Variants in BNC2 observed in about 807,000 individuals in gnomAD.
BNC2 encodes zinc finger protein basonuclin-2.
BNC2 carries 20 observed loss-of-function variants against 76.3 expected under a neutral mutation model. The ratio of observed to expected loss-of-function variants is 0.26; its 90% CI spans 0.18 to 0.38. BNC2 has a LOEUF of 0.38. Among genes scored for constraint, BNC2 ranks in the 10% least tolerant of loss-of-function variants. BNC2 has a pLI of 1.00. For synonymous variants in BNC2, 582 were observed against 514.8 expected, an observed-to-expected ratio of 1.13 and a Z score of -1.77; for missense variants, 1,382 against 1,399.8, an observed-to-expected ratio of 0.99 and a Z score of 0.20.
intron 1 of BNC2, among the ~76,000 whole-genome samples, chr9:16,771,930 T>TG: frequency 6.6e-6 from 1 of 152,208 alleles, no homozygotes; most frequent in African/African-American, 2.4e-5. Flanking sequence ...CAGTTCATGG[T>TG]GGGGGGAGGA....
At chr9:16,529,000 T>C (rs1817896475) in intron 5 of BNC2, among the ~76,000 whole-genome samples, 1 of 152,184 alleles carries the variant, frequency 6.6e-6, no homozygotes, top group Non-Finnish European at 1.5e-5. Context: ...TGGGAAATAA[T>C]CTGTTGCATG....
intron 5 of BNC2, among the ~76,000 whole-genome samples, chr9:16,538,905 ATACTTACG>A (rs1818209214): frequency 6.6e-6 from 1 of 152,206 alleles, no homozygotes; most frequent in Non-Finnish European, 1.5e-5. Context: ...ATTATAGATC[ATACTTACG>A]TTTTCATTAG....
intron 1 of BNC2, among the ~76,000 whole-genome samples, chr9:16,820,122 C>CAAAAAAAAAA (rs11387388): frequency 1.2e-5 from 1 of 81,788 alleles, no homozygotes; most frequent in African/African-American, 5.5e-5. Flanking sequence ...GAGACTGTCT[C>CAAAAAAAAAA]AAAAAAAAAA....
intron 1 of BNC2, among the ~76,000 whole-genome samples, chr9:16,790,004 A>C (rs1348865567): frequency 6.6e-6 from 1 of 152,076 alleles, no homozygotes; most frequent in African/African-American, 2.4e-5. Flanking sequence ...AATCATGTGA[A>C]ATGATTTTTT....
intron 1 of BNC2, among the ~76,000 whole-genome samples, chr9:16,770,949 T>C (rs1825817360): frequency 6.6e-6 from 1 of 152,018 alleles, no homozygotes; most frequent in African/African-American, 2.4e-5. Context: ...GGCAGGTGGA[T>C]TACTTGAGGC....
chr9:16,719,440 T>C (rs1309699497), intron 3 of BNC2, among the ~76,000 whole-genome samples: 1 of 152,248 alleles, frequency 6.6e-6, no homozygotes. Context: ...CTTGTTGTCA[T>C]GTAAAACGTT....
intron 3 of BNC2, among the ~76,000 whole-genome samples, chr9:16,709,563 C>G (rs550735470): frequency 6.6e-6 from 1 of 152,106 alleles, no homozygotes; most frequent in Admixed American, 6.5e-5. Context: ...GATGCCAGCC[C>G]AGCATTCAGG....
chr9:16,740,748 G>C (rs984106339), intron 1 of BNC2, among the ~76,000 whole-genome samples: 1 of 152,104 alleles, frequency 6.6e-6, no homozygotes, highest in Non-Finnish European at 1.5e-5. Flanking sequence ...AGCCAAGAGA[G>C]AAAACGATAT....
In BNC2 at chr9:16,454,977, A is replaced by G. The variant is rs112142313; in HGVS notation, c.670-17453T>C. 1.8e-3 allele frequency among the ~76,000 whole-genome samples: 279 copies of G among 152,330 alleles called. 3 individuals carry two copies. Among genetic ancestry groups the G allele is most frequent in the African/African-American group, 6.2e-3 (258 of 41,578 alleles). On this transcript the variant is annotated intron_variant, in intron 5 of 6. Coordinates refer to ENST00000380672, the MANE Select transcript of BNC2 (RefSeq NM_017637.6). ...TAAATTTCCTCAAATGTAAAAATAA[A>G]TGGCAAGAGAGAAAAAGAGTGGCTA... is the stretch of plus-strand genomic sequence containing the variant.
chr9:16,617,146 G>A (rs1229611129), intron 3 of BNC2, among the ~76,000 whole-genome samples: 4 of 152,062 alleles, frequency 2.6e-5, no homozygotes, highest in Non-Finnish European at 2.9e-5. Context: ...ATCGATAAAC[G>A]TAAATTTCAG....
At chr9:16,650,265 G>A (rs1475445947) in intron 3 of BNC2, among the ~76,000 whole-genome samples, 2 of 152,006 alleles carry the variant, frequency 1.3e-5, no homozygotes, top group African/African-American at 2.4e-5. Flanking sequence ...AGGAACAGAG[G>A]GCATAAATAG....
At chr9:16,831,887 A>C (rs1818585522) in intron 1 of BNC2, among the ~76,000 whole-genome samples, 1 of 152,220 alleles carries the variant, frequency 6.6e-6, no homozygotes, top group Non-Finnish European at 1.5e-5. Context: ...GGCAATGGTT[A>C]TAACATGCAC....
Position 16,777,917 on chromosome 9 carries a change from TG to T in BNC2, c.4-39433del, listed in dbSNP as rs527798426. On this transcript the variant is annotated intron_variant, in intron 1 of 6. Transcript: ENST00000380672. ...ATATACATTCCATGTTACTAAACAC[TG>T]AAAATATCTATACTGGCAATGAGAA... Among the ~76,000 whole-genome samples the T allele has an allele frequency of 4.5e-4, 68 of 152,250 alleles. 1 individual carries two copies. The highest frequency in any genetic ancestry group is 1.6e-3 in the African/African-American group (65 of 41,556).
chr9:16,491,775 T>G (rs1822285219), intron 5 of BNC2, among the ~76,000 whole-genome samples: 1 of 152,236 alleles, frequency 6.6e-6, no homozygotes, highest in South Asian at 2.1e-4. Flanking sequence ...TAGTTTCATC[T>G]CTTTTTAAGT....
At chr9:16,653,183 A>C (rs1479294007) in intron 3 of BNC2, among the ~76,000 whole-genome samples, 1 of 152,166 alleles carries the variant, frequency 6.6e-6, no homozygotes, top group Non-Finnish European at 1.5e-5. Context: ...ATATGGACAA[A>C]TGGGTCTGTG....
intron 1 of BNC2, among the ~76,000 whole-genome samples, chr9:16,828,944 G>A (rs1264415457): frequency 6.6e-6 from 1 of 151,648 alleles, no homozygotes; most frequent in Non-Finnish European, 1.5e-5. Context: ...GCCCCGAAGC[G>A]ACTCCAGAGG....
chr9:16,818,308 G>A (rs111930866), intron 1 of BNC2, among the ~76,000 whole-genome samples: 94 of 152,294 alleles, frequency 6.2e-4, no homozygotes, highest in African/African-American at 2.1e-3. Context: ...GGAGGCTGAG[G>A]CAGGAGAATG....
chr9:16,412,731 GAGAGAGAGAGA>G lies in BNC2; in HGVS notation c.*6247_*6257del. 1 of 41,064 alleles carries G rather than the reference GAGAGAGAGAGA, an allele frequency of 2.4e-5. No individual in the cohort carries two copies. The highest frequency in any genetic ancestry group is 2.4e-4 in the Admixed American group (1 of 4,112). The allele number at this position is 41,064 out of a possible 1,614,324, so 2.5% of individuals were successfully genotyped here. A position where few individuals can be genotyped will look rare whatever the true frequency, so the allele number is the denominator to read the frequency against. On this transcript the variant is annotated 3_prime_UTR_variant, in exon 7 of 7. Transcript: ENST00000380672. Reference sequence around the variant, plus strand: ...AGGAGAGAGAGAGGGGAGAGAGAGAGAGAGAGAGAGAGAGAGAGAGAGAGAGAGAGAGAGAC... The same window carrying G: ...AGGAGAGAGAGAGGGGAGAGAGAGAGGAGAGAGAGAGAGAGAGAGAGAGAC...
At chr9:16,779,257 T>C (rs1826057703) in intron 1 of BNC2, among the ~76,000 whole-genome samples, 1 of 145,242 alleles carries the variant, frequency 6.9e-6, no homozygotes, top group Non-Finnish European at 1.5e-5. Flanking sequence ...TGAGCCAGTA[T>C]CACACTACTG....
Sources: gnomAD v4.1 joint callset for allele counts (sites outside exome capture counted in the v4.1 genomes callset) on GRCh38, gnomAD v4.1.1 for gene constraint, MANE v1.5 for transcripts, NCBI Gene and HGNC (gene_info 2026-07-23, HGNC 2026-07-21) for gene names.